Variants in AGMO observed in about 807,000 individuals in gnomAD.
AGMO encodes alkylglycerol monooxygenase.
A neutral mutation model predicts 60.2 loss-of-function variants in AGMO; 75 were observed. The observed-to-expected ratio is 1.25, with a 90% CI of 1.03 to 1.51. The LOEUF (loss-of-function observed/expected upper bound fraction) is 1.51, where lower values mean the gene tolerates loss of function less well. AGMO is among the 40% of genes most tolerant of loss of function. The pLI is 0.00. For synonymous variants in AGMO, 261 were observed against 177.1 expected (o/e 1.47, Z -3.76); for missense variants, 763 against 525.5 (o/e 1.45, Z -4.42).
intron 6 of AGMO, among the ~76,000 whole-genome samples, chr7:15,392,946 C>T (rs1309936711): frequency 6.6e-6 from 1 of 152,214 alleles, no homozygotes; most frequent in East Asian, 1.9e-4. Context: ...TAATACAAAG[C>T]CTGTTTCCTA....
intron 4 of AGMO, 34 bp from the exon 5 acceptor site, chr7:15,418,687 A>G: frequency 1.5e-6 from 2 of 1,306,722 alleles, no homozygotes; most frequent in Non-Finnish European, 2.1e-6. Context: ...ATTAATTTGC[A>G]TATATGAATT....
chr7:15,270,747 G>C (rs192688028), intron 12 of AGMO, among the ~76,000 whole-genome samples: 3 of 150,918 alleles, frequency 2.0e-5, no homozygotes, highest in Admixed American at 6.6e-5. Context: ...TCAGTGTCCA[G>C]AAGAGTTTTT....
At position 15,533,197 on chromosome 7, in the gene AGMO, A is replaced by G. The variant is rs548106414; in HGVS notation, c.409+11575T>C. Among the ~76,000 whole-genome samples, 9 of 152,112 alleles carry G rather than the reference A, an allele frequency of 5.9e-5. No homozygotes were observed. The East Asian group carries it at 9.7e-4, about 16-fold the overall frequency. On this transcript the variant is annotated intron_variant, in intron 3 of 12. Coordinates refer to ENST00000342526, the MANE Select transcript of AGMO (RefSeq NM_001004320.2). ...GGTACTTAAGATCTAAGTAATATAT[A>G]TTGCCATTCCAAAGAGTTCCTGTTA...
the AGMO span, among the ~76,000 whole-genome samples, chr7:15,138,186 C>T: frequency 2.0e-5 from 3 of 152,194 alleles, no homozygotes; most frequent in Non-Finnish European, 2.9e-5. Flanking sequence ...GTACCTTTAG[C>T]TTGCATAACT....
intron 2 of AGMO, among the ~76,000 whole-genome samples, chr7:15,550,071 A>G (rs1002499869): frequency 0.011 from 1,677 of 152,130 alleles, 33 homozygotes; most frequent in African/African-American, 0.038. Context: ...TGACTACTGG[A>G]TACATAACGA....
downstream of AGMO, among the ~76,000 whole-genome samples, chr7:15,196,427 GCTTA>G (rs767173447): frequency 2.6e-5 from 4 of 152,110 alleles, no homozygotes; most frequent in Non-Finnish European, 5.9e-5. Flanking sequence ...AAATATCCAT[GCTTA>G]CTTAATCAGT....
intron 12 of AGMO, among the ~76,000 whole-genome samples, chr7:15,252,743 A>G (rs963996925): frequency 6.6e-6 from 1 of 152,202 alleles, no homozygotes; most frequent in African/African-American, 2.4e-5. Context: ...TGCCTGTTAG[A>G]TTTCCAGCTG....
At chr7:15,499,909 A>ACG in intron 3 of AGMO, among the ~76,000 whole-genome samples, 1 of 80,600 alleles carries the variant, frequency 1.2e-5, no homozygotes, top group South Asian at 4.3e-4. Context: ...TGTATTACGC[A>ACG]CACACACACA....
intron 10 of AGMO, among the ~76,000 whole-genome samples, chr7:15,376,911 A>C (rs1408103525): frequency 2.0e-5 from 3 of 152,020 alleles, no homozygotes; most frequent in African/African-American, 7.3e-5. Flanking sequence ...TGTGTCTCTT[A>C]CACCTTTGTC....
At chr7:15,394,333 A>G (rs1235873423) in intron 5 of AGMO, among the ~76,000 whole-genome samples, 154 bp from the exon 6 acceptor site, 1 of 152,170 alleles carries the variant, frequency 6.6e-6, no homozygotes, top group African/African-American at 2.4e-5. Flanking sequence ...TGAAATCTGG[A>G]ATTCATATAA....
chr7:15,375,876 G>A (rs1175718030), intron 10 of AGMO, among the ~76,000 whole-genome samples: 1 of 152,074 alleles, frequency 6.6e-6, no homozygotes, highest in Non-Finnish European at 1.5e-5. Context: ...ACTTTTTAAA[G>A]AAGCTGCCTG....
rs982863271 is a variant in AGMO at position 15,385,539 on chromosome 7, G to A, written c.981C>T (p.Phe327=). The change falls in exon 10 of 13, where the codon TTC becomes TTT. Residue 327 remains phenylalanine, a synonymous_variant. Coordinates refer to ENST00000342526, the MANE Select transcript of AGMO (RefSeq NM_001004320.2). The part of the protein sequence containing the change: ...IPEVTGKEVP[F]SSSSSQLLKI... ...TTAATAGCTGAGATGAAGATGATGA[G>A]AAGGGAACTTCTTTGCCGGTGACCT... The A allele has an allele frequency of 1.2e-6, 2 of 1,612,182 alleles. No homozygotes were observed. Among genetic ancestry groups the A allele is most frequent in the Non-Finnish European group, 1.7e-6 (2 of 1,178,560 alleles).
chr7:15,314,968 T>A (rs1254944026), intron 12 of AGMO, among the ~76,000 whole-genome samples: 1 of 152,132 alleles, frequency 6.6e-6, no homozygotes, highest in Non-Finnish European at 1.5e-5. Context: ...GACCCCAATG[T>A]AAGGACCGAA....
the AGMO span, among the ~76,000 whole-genome samples, chr7:15,133,183 T>C: frequency 6.6e-6 from 1 of 152,126 alleles, no homozygotes; most frequent in Non-Finnish European, 1.5e-5. Flanking sequence ...CATAATCCTG[T>C]ATGAGAGTGG....
chr7:15,322,479 T>A (rs182681971), intron 12 of AGMO, among the ~76,000 whole-genome samples: 9 of 71,796 alleles, frequency 1.3e-4, no homozygotes, highest in South Asian at 4.1e-4. Flanking sequence ...TATATAAATA[T>A]ATATATAAAT....
intron 3 of AGMO, among the ~76,000 whole-genome samples, chr7:15,437,493 T>C (rs1562507204): frequency 6.6e-6 from 1 of 151,802 alleles, no homozygotes; most frequent in African/African-American, 2.4e-5. Context: ...TTCAGCATGA[T>C]AGAAACCAGG....
chr7:15,325,705 C>T (rs1781316870), intron 12 of AGMO, among the ~76,000 whole-genome samples: 1 of 152,102 alleles, frequency 6.6e-6, no homozygotes, highest in Admixed American at 6.6e-5. Flanking sequence ...AGCATTGTAC[C>T]TTATCAGCTC....
At chr7:15,149,079 G>A in the AGMO span, among the ~76,000 whole-genome samples, 2 of 152,132 alleles carry the variant, frequency 1.3e-5, no homozygotes, top group Admixed American at 1.3e-4. Context: ...TAGTGATGTT[G>A]AGAATTATTT....
At chr7:15,217,923 G>A (rs1781792075) in intron 12 of AGMO, among the ~76,000 whole-genome samples, 1 of 151,830 alleles carries the variant, frequency 6.6e-6, no homozygotes, top group African/African-American at 2.4e-5. Context: ...TCGATTCAGG[G>A]GTACATATGA....
Sources: allele counts gnomAD v4.1 joint callset (sites outside exome capture counted in the v4.1 genomes callset), GRCh38; gene constraint gnomAD v4.1.1; transcripts MANE v1.5; gene names NCBI Gene and HGNC (gene_info 2026-07-23, HGNC 2026-07-21).